Variants in RAB3GAP2 observed in about 807,000 individuals in gnomAD.
The protein encoded by RAB3GAP2 is RAB3 GTPase activating non-catalytic protein subunit 2, also known as rab3 GTPase-activating protein non-catalytic subunit.
A neutral mutation model predicts 185.3 loss-of-function variants in RAB3GAP2; 87 were observed. The ratio of observed to expected loss-of-function variants is 0.47; its 90% CI spans 0.39 to 0.56. The LOEUF (loss-of-function observed/expected upper bound fraction) is 0.56, where lower values mean the gene tolerates loss of function less well. Among genes scored for constraint, RAB3GAP2 ranks in the 20% least tolerant of loss-of-function variants. The probability of loss-of-function intolerance (pLI) is 0.00; values close to 1 mark genes in which losing one functional copy is unlikely to be tolerated. For missense variants in RAB3GAP2, 1,492 were observed against 1,638.2 expected (o/e 0.91, Z 1.54); for synonymous variants, 554 against 576.1 (o/e 0.96, Z 0.55).
chr1:220,161,167 A>G (rs1211055218), intron 28 of RAB3GAP2, among the ~76,000 whole-genome samples: 1 of 152,180 alleles, frequency 6.6e-6, no homozygotes, highest in East Asian at 1.9e-4. Flanking sequence ...TCCAAGAAAG[A>G]AGCTATTCAG....
intron 13 of RAB3GAP2, 29 bp from the exon 14 acceptor site, chr1:220,191,313 T>C (rs1658615640): frequency 7.5e-7 from 1 of 1,334,906 alleles, no homozygotes; most frequent in Admixed American, 2.1e-5. Context: ...GGGAAGTTAA[T>C]TACTTAATCT....
chr1:220,212,115 T>G (rs936989653), intron 4 of RAB3GAP2, among the ~76,000 whole-genome samples: 1 of 152,214 alleles, frequency 6.6e-6, no homozygotes, highest in African/African-American at 2.4e-5. Context: ...ATATCATGGT[T>G]ACAAAAGCTT....
intron 17 of RAB3GAP2, among the ~76,000 whole-genome samples, chr1:220,186,525 A>C (rs1658511062): frequency 6.6e-6 from 1 of 152,094 alleles, no homozygotes; most frequent in South Asian, 2.1e-4. Context: ...GGAAACAATA[A>C]AGAAAGTGAC....
At chr1:220,260,344 T>C (rs954918665) in intron 1 of RAB3GAP2, among the ~76,000 whole-genome samples, 1 of 152,116 alleles carries the variant, frequency 6.6e-6, no homozygotes, top group Non-Finnish European at 1.5e-5. Context: ...AAAATCAACG[T>C]AAATGCCCAT....
At chr1:220,219,893 G>C (rs1659273069) in intron 2 of RAB3GAP2, among the ~76,000 whole-genome samples, 2 of 152,164 alleles carry the variant, frequency 1.3e-5, no homozygotes, top group South Asian at 2.1e-4. Context: ...AAGCCTAATA[G>C]AGCATCAGCA....
At chr1:220,151,950 T>G (rs1416272130) in intron 33 of RAB3GAP2, among the ~76,000 whole-genome samples, 186 bp from the exon 34 acceptor site, 1 of 152,212 alleles carries the variant, frequency 6.6e-6, no homozygotes, top group African/African-American at 2.4e-5. Context: ...TTCTGTTCCT[T>G]GGTTAATTTT....
chr1:220,204,689 C>G (rs934031724), intron 8 of RAB3GAP2, among the ~76,000 whole-genome samples: 16 of 151,616 alleles, frequency 1.1e-4, no homozygotes, highest in Non-Finnish European at 2.2e-4. Context: ...CACCCATTAA[C>G]CTAATCATTT....
chr1:220,170,458 G>T (rs1377585043), intron 24 of RAB3GAP2, among the ~76,000 whole-genome samples: 1 of 151,952 alleles, frequency 6.6e-6, no homozygotes, highest in African/African-American at 2.4e-5. Context: ...AAAAAAAAAG[G>T]ATATTTGGTG....
intron 2 of RAB3GAP2, among the ~76,000 whole-genome samples, chr1:220,226,020 T>C (rs954383970): frequency 2.6e-5 from 4 of 152,208 alleles, no homozygotes; most frequent in Admixed American, 6.5e-5. Flanking sequence ...TAAATCATAA[T>C]TGCCTCTCTA....
chr1:220,246,886 G>A (rs566308270), intron 1 of RAB3GAP2, among the ~76,000 whole-genome samples: 10 of 150,862 alleles, frequency 6.6e-5, no homozygotes, highest in Non-Finnish European at 1.5e-4. Context: ...TAACCTGCAC[G>A]ATGTGCACAT....
intron 21 of RAB3GAP2, among the ~76,000 whole-genome samples, chr1:220,179,336 T>C (rs1558146271): frequency 1.3e-5 from 2 of 151,200 alleles, no homozygotes; most frequent in Non-Finnish European, 2.9e-5. Context: ...CAATAGTAAG[T>C]ATATATGCAC....
intron 9 of RAB3GAP2, chr1:220,200,554 G>A (rs1377901643): frequency 3.8e-6 from 2 of 525,944 alleles, no homozygotes; most frequent in Non-Finnish European, 7.8e-6. Flanking sequence ...CATTTTGTAG[G>A]CTGGGGATAA....
chr1:220,217,868 T>C (rs1186084934), intron 2 of RAB3GAP2, among the ~76,000 whole-genome samples: 1 of 152,190 alleles, frequency 6.6e-6, no homozygotes, highest in Non-Finnish European at 1.5e-5. Context: ...AGAATACCAC[T>C]GTATCATAGT....
intron 21 of RAB3GAP2, among the ~76,000 whole-genome samples, chr1:220,180,394 TTTAG>T (rs746179241): frequency 6.6e-6 from 1 of 151,988 alleles, no homozygotes; most frequent in South Asian, 2.1e-4. Context: ...TCAACAAACC[TTTAG>T]TTAGACTAAG....
At chr1:220,270,173 C>T (rs1240105308) in intron 1 of RAB3GAP2, among the ~76,000 whole-genome samples, 2 of 152,210 alleles carry the variant, frequency 1.3e-5, no homozygotes, top group Non-Finnish European at 2.9e-5. Context: ...ATCAAGTTCT[C>T]GCCTTCCTCA....
chr1:220,244,227 T>C (rs1248701551), intron 1 of RAB3GAP2, among the ~76,000 whole-genome samples: 1 of 152,152 alleles, frequency 6.6e-6, no homozygotes, highest in Non-Finnish European at 1.5e-5. Context: ...ACCAAATCAA[T>C]GTACACAAAT....
At chr1:220,213,040 C>T (rs898535804) in intron 3 of RAB3GAP2, 72 bp from the exon 4 acceptor site, 4 of 1,169,512 alleles carry the variant, frequency 3.4e-6, no homozygotes, top group Non-Finnish European at 4.8e-6. Context: ...ATAAATTTTG[C>T]TCTTTCCCCT....
At chr1:220,164,473 GTTTT>G (rs35024056) in intron 27 of RAB3GAP2, among the ~76,000 whole-genome samples, 1 of 105,646 alleles carries the variant, frequency 9.5e-6, no homozygotes, top group Non-Finnish European at 1.9e-5. Context: ...TTTTTGTTTT[GTTTT>G]TTTTTTTTTT....
At chr1:220,236,932 G>C (rs1452990466) in intron 1 of RAB3GAP2, among the ~76,000 whole-genome samples, 1 of 152,208 alleles carries the variant, frequency 6.6e-6, no homozygotes, top group Non-Finnish European at 1.5e-5. Flanking sequence ...ATAAGGCCTT[G>C]AGGTTCACAA....
Sources: allele counts gnomAD v4.1 joint callset (sites outside exome capture counted in the v4.1 genomes callset), GRCh38; gene constraint gnomAD v4.1.1; transcripts MANE v1.5; gene names NCBI Gene and HGNC (gene_info 2026-07-23, HGNC 2026-07-21).